The following CNOT6L variants were observed in gnomAD, a reference collection of about 807,000 sequenced individuals.
CNOT6L encodes CCR4-NOT transcription complex subunit 6 like.
A neutral mutation model predicts 64.0 loss-of-function variants in CNOT6L; 7 were observed. The observed-to-expected ratio is 0.11, with a 90% CI of 0.06 to 0.21. The LOEUF (loss-of-function observed/expected upper bound fraction) is 0.21. Ranked by LOEUF, CNOT6L falls within the 10% of genes least tolerant of loss-of-function variation. The probability of loss-of-function intolerance (pLI) is 1.00; values close to 1 mark genes in which losing one functional copy is unlikely to be tolerated. For synonymous variants in CNOT6L, 193 were observed against 243.4 expected (o/e 0.79, Z 1.93); for missense variants, 245 against 669.0 (o/e 0.37, Z 6.99).
At chr4:77,731,786 G>A (rs984937912) in intron 8 of CNOT6L, 10 of 333,852 alleles carry the variant, frequency 3.0e-5, no homozygotes, top group African/African-American at 4.3e-5. Flanking sequence ...GCTAGTGCTC[G>A]GAGAAATAAT....
At chr4:77,803,372 A>G (rs1410229771) in intron 1 of CNOT6L, among the ~76,000 whole-genome samples, 1 of 152,248 alleles carries the variant, frequency 6.6e-6, no homozygotes, top group Non-Finnish European at 1.5e-5. Flanking sequence ...AAAATTTTAT[A>G]AAACATTTCT....
chr4:77,792,864 C>G (rs543991200), intron 1 of CNOT6L, among the ~76,000 whole-genome samples: 2 of 151,760 alleles, frequency 1.3e-5, no homozygotes, highest in Non-Finnish European at 2.9e-5. Flanking sequence ...AAGTGACTCT[C>G]GACCAGATGT....
At chr4:77,785,036 T>C (rs1033168465) in intron 1 of CNOT6L, among the ~76,000 whole-genome samples, 2 of 152,146 alleles carry the variant, frequency 1.3e-5, no homozygotes, top group Admixed American at 6.5e-5. Flanking sequence ...TTTCAAGACT[T>C]ACTAAAACTA....
rs369115948 is a variant in CNOT6L, at chr4:77,756,863, T to C, written c.489A>G (p.Ala163=). The change falls in exon 5 of 12, where the codon GCA becomes GCG. Residue 163 remains alanine (A), a splice_region_variant and synonymous_variant. Coordinates refer to ENST00000504123, the MANE Select transcript of CNOT6L (RefSeq NM_144571.3). ...TACAGCTTTGTCACTAACAGTTACC[T>C]GCGAGATTGTCAAGCATGAAGTTCA... is the stretch of plus-strand genomic sequence containing the variant. The part of the protein sequence containing the change: ...KLLNFMLDNL[A]VHPEQLPPRP... 2.5e-6 allele frequency: 4 copies of C among 1,591,800 alleles called. No individual in the cohort carries two copies. The African/African-American group carries it at 5.4e-5, about 21-fold the overall frequency.
At chr4:77,721,456 C>A (rs779564101) in intron 11 of CNOT6L, among the ~76,000 whole-genome samples, 2 of 151,902 alleles carry the variant, frequency 1.3e-5, no homozygotes, top group Non-Finnish European at 2.9e-5. Flanking sequence ...TAGCCTGAGC[C>A]CAAGTAGGGA....
chr4:77,725,132 A>T (rs957337107), intron 11 of CNOT6L, among the ~76,000 whole-genome samples: 3 of 152,186 alleles, frequency 2.0e-5, no homozygotes, highest in African/African-American at 7.2e-5. Flanking sequence ...AAAAATACTA[A>T]ATTAGATTCA....
At chr4:77,731,967 T>C (rs1482877177) in intron 8 of CNOT6L, 1 of 154,774 alleles carries the variant, frequency 6.5e-6, no homozygotes, top group East Asian at 1.9e-4. Context: ...TATTTAAAGG[T>C]GCACACAATC....
Position 77,778,979 on chromosome 4 carries a change from G to A in CNOT6L, c.6-2587C>T, listed in dbSNP as rs542434339. Reference sequence around the variant, plus strand: ...GGAGAATGGCGTGAACCCGGAAGGCGGAGCCTGCAGTGGGCCGAGATCGCG... The same window carrying A: ...GGAGAATGGCGTGAACCCGGAAGGCAGAGCCTGCAGTGGGCCGAGATCGCG... On this transcript the variant is annotated intron_variant, in intron 1 of 11. Coordinates refer to ENST00000504123, the MANE Select transcript of CNOT6L (RefSeq NM_144571.3). Among the ~76,000 whole-genome samples the A allele has an allele frequency of 8.7e-5, 13 of 149,314 alleles. No homozygotes were observed. In the East Asian group the frequency reaches 1.8e-3, roughly 21 times the overall value.
chr4:77,746,016 T>C (rs1343060474), intron 6 of CNOT6L, among the ~76,000 whole-genome samples: 1 of 152,200 alleles, frequency 6.6e-6, no homozygotes, highest in African/African-American at 2.4e-5. Context: ...GTATTTATCT[T>C]GGAAATGACC....
intron 5 of CNOT6L, among the ~76,000 whole-genome samples, chr4:77,750,640 A>T (rs1577946546): frequency 2.0e-5 from 3 of 152,344 alleles, no homozygotes; most frequent in East Asian, 3.9e-4. Flanking sequence ...GGCGTGAGCC[A>T]CTGCACCTGG....
At chr4:77,810,560 T>C (rs977914363) in intron 1 of CNOT6L, among the ~76,000 whole-genome samples, 1 of 152,222 alleles carries the variant, frequency 6.6e-6, no homozygotes. Context: ...TACACAGTGA[T>C]GTTTCCATAC....
At chr4:77,793,132 A>C (rs919565726) in intron 1 of CNOT6L, among the ~76,000 whole-genome samples, 2 of 152,172 alleles carry the variant, frequency 1.3e-5, no homozygotes, top group African/African-American at 4.8e-5. Flanking sequence ...AAAAGCATTT[A>C]GAAAATCAAG....
chr4:77,786,500 G>T (rs906247242), intron 1 of CNOT6L, among the ~76,000 whole-genome samples: 1 of 152,062 alleles, frequency 6.6e-6, no homozygotes, highest in Non-Finnish European at 1.5e-5. Context: ...TTGAGACAGG[G>T]TCTTACTCTG....
chr4:77,742,983 T>C (rs1723756923), intron 7 of CNOT6L, among the ~76,000 whole-genome samples: 1 of 152,138 alleles, frequency 6.6e-6, no homozygotes, highest in African/African-American at 2.4e-5. Flanking sequence ...TCCAATGGTA[T>C]GGGAAAAGCT....
rs531954454 is a variant in CNOT6L at position 77,778,609 on chromosome 4, G to C, written c.6-2217C>G. On this transcript the variant is annotated intron_variant, in intron 1 of 11. Coordinates refer to ENST00000504123, the MANE Select transcript of CNOT6L (RefSeq NM_144571.3). ...TTAGTAGAGATGGGGGTTTCACCAC[G>C]TTGGTCAAGCTGGTCTCGAACTCCT... Among the ~76,000 whole-genome samples, 3 of 151,982 alleles carry C rather than the reference G, an allele frequency of 2.0e-5. No homozygotes were observed. In the South Asian group the frequency reaches 6.3e-4, roughly 32 times the overall value.
chr4:77,763,099 CT>C (rs1470715474), intron 4 of CNOT6L, among the ~76,000 whole-genome samples: 1 of 152,036 alleles, frequency 6.6e-6, no homozygotes, highest in African/African-American at 2.4e-5. Context: ...GAAAAACCTA[CT>C]TTTAGAAAAG....
chr4:77,819,481 G>T, upstream of CNOT6L: 1 of 1,359,082 alleles, frequency 7.4e-7, no homozygotes, highest in Non-Finnish European at 9.9e-7. Flanking sequence ...GCTCCCGCCC[G>T]CCCCGAGGGG....
Position 77,713,711 on chromosome 4 carries a change from TGAG to T in CNOT6L, c.*6717_*6719del, listed in dbSNP as rs1720431732. The T allele has an allele frequency of 6.6e-6, 1 of 152,580 alleles. No homozygotes were observed. Among genetic ancestry groups the T allele is most frequent in the Non-Finnish European group, 1.5e-5 (1 of 68,020 alleles). The allele number at this position is 152,580 out of a possible 1,614,324, so 9.5% of individuals were successfully genotyped here. A position where few individuals can be genotyped will look rare whatever the true frequency, so the allele number is the denominator to read the frequency against. The stretch of plus-strand genomic sequence containing the variant: ...TGTCTATTGTGAAAAACATCTCAGC[TGAG>T]CAGTTTTGGTCAAGATTCAGACCTC... On this transcript the variant is annotated 3_prime_UTR_variant, in exon 12 of 12. Coordinates refer to ENST00000504123, the MANE Select transcript of CNOT6L (RefSeq NM_144571.3).
At chr4:77,740,748 C>G (rs2109935051) in intron 8 of CNOT6L, among the ~76,000 whole-genome samples, 1 of 152,280 alleles carries the variant, frequency 6.6e-6, no homozygotes, top group Non-Finnish European at 1.5e-5. Flanking sequence ...CGATGGTAGT[C>G]CCACAAGACT....
Sources: gnomAD v4.1 joint callset for allele counts (sites outside exome capture counted in the v4.1 genomes callset) on GRCh38, gnomAD v4.1.1 for gene constraint, MANE v1.5 for transcripts, NCBI Gene and HGNC (gene_info 2026-07-23, HGNC 2026-07-21) for gene names.